Variants in MYH9 observed in about 807,000 individuals in gnomAD.
MYH9 encodes the protein myosin-9.
A neutral mutation model predicts 241.9 loss-of-function variants in MYH9; 29 were observed. That is an observed-to-expected ratio of 0.12 (90% CI 0.09 to 0.16). The LOEUF (loss-of-function observed/expected upper bound fraction) is 0.16. Ranked by LOEUF, MYH9 falls within the 10% of genes least tolerant of loss-of-function variation. The pLI is 1.00. For missense variants in MYH9, 1,803 were observed against 2,595.5 expected (o/e 0.69, Z 6.63); for synonymous variants, 1,047 against 1,062.6 (o/e 0.99, Z 0.29).
chr22:36,301,117 C>T, intron 21 of MYH9, 60 bp from the exon 22 acceptor site: 5 of 1,507,964 alleles, frequency 3.3e-6, no homozygotes, highest in Non-Finnish European at 4.6e-6. Flanking sequence ...ACTCCATCCT[C>T]AAGGACGGAC....
chr22:36,286,952 A>T, intron 34 of MYH9, 106 bp from the exon 35 acceptor site: 1 of 1,535,414 alleles, frequency 6.5e-7, no homozygotes, highest in Non-Finnish European at 8.9e-7. Context: ...GCTCCACTCA[A>T]TGCTGTATTT....
chr22:36,285,509 C>T lies in MYH9; in HGVS notation c.5274+149G>A, dbSNP rs1569534665. ...ACCCAACACAGAAGCCAGAGGGGGA[C>T]CTTTCAGGTCCAGGTGCCTGGACAT... On this transcript the variant is annotated intron_variant, in intron 37 of 40. Transcript: ENST00000216181. The surrounding 1 kb of genome is among the most constrained non-coding windows in gnomAD (Gnocchi z 7.0). The T allele has an allele frequency of 3.7e-6, 5 of 1,366,220 alleles. No homozygotes were observed. The highest frequency in any genetic ancestry group is 5.1e-6 in the Non-Finnish European group (5 of 988,602). The allele number at this position is 1,366,220 out of a possible 1,614,324, so 84.6% of individuals were successfully genotyped here. A position where few individuals can be genotyped will look rare whatever the true frequency, so the allele number is the denominator to read the frequency against.
rs896383563 is a variant in MYH9 at position 36,314,178 on chromosome 22, G to A, written c.1521C>T (p.Asp507=). The A allele has an allele frequency of 1.9e-6, 3 of 1,614,210 alleles. No homozygotes were observed. The highest frequency in any genetic ancestry group is 2.5e-6 in the Non-Finnish European group (3 of 1,180,038). The part of the protein sequence containing the change: ...IEWNFIDFGL[D]LQPCIDLIEK... ...CAATGAGGTCGATGCAGGGCTGCAG[G>A]TCGAGGCCAAAGTCGATGAAGTTCC... is the stretch of plus-strand genomic sequence containing the variant. Residue 507 remains aspartate, a synonymous_variant, in exon 13 of 41, where the codon GAC becomes GAT. Coordinates refer to ENST00000216181, the MANE Select transcript of MYH9 (RefSeq NM_002473.6).
At chr22:36,340,432 G>A (rs1000438003) in intron 3 of MYH9, among the ~76,000 whole-genome samples, 6 of 151,818 alleles carry the variant, frequency 4.0e-5, no homozygotes, top group African/African-American at 1.2e-4. Flanking sequence ...AGGCCGAGGT[G>A]GGTGGATCAC....
chr22:36,340,311 A>C (rs932700636), intron 3 of MYH9, among the ~76,000 whole-genome samples: 9 of 152,000 alleles, frequency 5.9e-5, no homozygotes, highest in African/African-American at 2.2e-4. Flanking sequence ...ATTTGATCAC[A>C]TTTACATCCC....
At chr22:36,355,868 A>G (rs1389588732) in intron 1 of MYH9, among the ~76,000 whole-genome samples, 1 of 152,166 alleles carries the variant, frequency 6.6e-6, no homozygotes. Flanking sequence ...TTAAGCAGAC[A>G]TTGATAATGC....
At chr22:36,370,723 G>C (rs2018076893) in intron 1 of MYH9, among the ~76,000 whole-genome samples, 1 of 152,226 alleles carries the variant, frequency 6.6e-6, no homozygotes, top group African/African-American at 2.4e-5. Flanking sequence ...GCAGAAGGCA[G>C]GGCAGCCTGG....
chr22:36,282,822 C>T (rs780381199), intron 40 of MYH9, 37 bp from the exon 41 acceptor site: 66 of 1,572,322 alleles, frequency 4.2e-5, no homozygotes, highest in Middle Eastern at 3.7e-4. Context: ...TCAGCGGGCC[C>T]GGCCAGGCCA....
intron 5 of MYH9, chr22:36,324,971 A>C (rs1246717593): frequency 1.4e-6 from 1 of 691,646 alleles, no homozygotes; most frequent in Non-Finnish European, 2.7e-6. Flanking sequence ...CCTGTCTTTC[A>C]GGACAGGAAC....
rs56327920 is a variant in MYH9 at position 36,285,117 on chromosome 22, G to T, written c.5483+4C>A. 6 of 1,613,568 alleles carry T rather than the reference G, an allele frequency of 3.7e-6. No individual in the cohort carries two copies. The highest frequency in any genetic ancestry group is 1.7e-5 in the Admixed American group (1 of 60,012). On this transcript the variant is annotated splice_donor_region_variant and intron_variant, in intron 38 of 40. Transcript: ENST00000216181. The surrounding 1 kb of genome is among the most constrained non-coding windows in gnomAD (Gnocchi z 7.0). ...TGGGGTTGGGCGGGGCCAGGGGCAC[G>T]TACTTGGTCTCGTTGTCCAGCTGCT...
In MYH9 at chr22:36,297,173, G is replaced by C. The variant is rs2016802337; in HGVS notation, c.3101-159C>G. On this transcript the variant is annotated intron_variant, in intron 24 of 40. Coordinates refer to ENST00000216181, the MANE Select transcript of MYH9 (RefSeq NM_002473.6). ...CGCACCCAACTCCTGGATGCAGGAA[G>C]AGGACATCACTGCAAACTGCTAGCC... The C allele has an allele frequency of 5.0e-6, 4 of 794,644 alleles. No individual in the cohort carries two copies. The Admixed American group carries it at 8.8e-5, about 17-fold the overall frequency. The allele number at this position is 794,644 out of a possible 1,614,324, so 49.2% of individuals were successfully genotyped here. A position where few individuals can be genotyped will look rare whatever the true frequency, so the allele number is the denominator to read the frequency against.
intron 1 of MYH9, among the ~76,000 whole-genome samples, chr22:36,385,508 C>G (rs929074669): frequency 2.0e-5 from 3 of 152,132 alleles, no homozygotes; most frequent in Non-Finnish European, 4.4e-5. Context: ...GATTAACATG[C>G]GTCCTTCATC....
At chr22:36,368,673 G>C (rs1452498599) in intron 1 of MYH9, among the ~76,000 whole-genome samples, 1 of 152,074 alleles carries the variant, frequency 6.6e-6, no homozygotes, top group Non-Finnish European at 1.5e-5. Context: ...CTGGGAGGTG[G>C]AGGAGTGTTA....
In MYH9 at chr22:36,292,215, T is replaced by C; in HGVS notation, c.4115A>G (p.Lys1372Arg). 6.2e-7 allele frequency: 1 copy of C among 1,614,016 alleles called. No individual in the cohort carries two copies. The highest frequency in any genetic ancestry group is 1.1e-5 in the South Asian group (1 of 91,088). The part of the protein sequence containing the change: ...LHAQVADMKK[K>R]MEDSVGCLET... The stretch of plus-strand genomic sequence containing the variant: ...CAGGCACCCCACACTGTCCTCCATC[T>C]TCTTTTTCATGTCGGCCACCTGGGC... The change falls in exon 31 of 41, where the codon AAG becomes AGG. Residue 1372 changes from lysine (K) to arginine (R), a missense_variant. By Grantham distance (26) the Lys-to-Arg change is conservative. Coordinates refer to ENST00000216181, the MANE Select transcript of MYH9 (RefSeq NM_002473.6).
chr22:36,346,246 A>G (rs530230198), intron 2 of MYH9, among the ~76,000 whole-genome samples: 1 of 152,284 alleles, frequency 6.6e-6, no homozygotes, highest in Admixed American at 6.5e-5. Context: ...TCATCCCCCA[A>G]AGGGTGGGCA....
intron 6 of MYH9, 66 bp from the exon 7 acceptor site, chr22:36,321,887 G>GT (rs2017258617): frequency 7.2e-7 from 1 of 1,385,166 alleles, no homozygotes; most frequent in African/African-American, 1.4e-5. Flanking sequence ...GAGCACGGGG[G>GT]AGACCACAGC....
intron 1 of MYH9, among the ~76,000 whole-genome samples, chr22:36,378,265 C>A (rs897170024): frequency 6.6e-6 from 1 of 151,966 alleles, no homozygotes; most frequent in African/African-American, 2.4e-5. Context: ...CAGAGCAAGA[C>A]GCTGTCTCAT....
At chr22:36,373,247 T>C (rs2018115765) in intron 1 of MYH9, among the ~76,000 whole-genome samples, 1 of 152,138 alleles carries the variant, frequency 6.6e-6, no homozygotes, top group African/African-American at 2.4e-5. Context: ...ATCCTCCCCC[T>C]GCCCCTGCCC....
In MYH9 at chr22:36,345,870, C is replaced by T. The variant is rs569935417; in HGVS notation, c.333+3034G>A. 1.9e-3 allele frequency among the ~76,000 whole-genome samples: 286 copies of T among 152,262 alleles called. 1 individual carries two copies. Among genetic ancestry groups the T allele is most frequent in the African/African-American group, 6.2e-3 (259 of 41,558 alleles). ...CCATGTTAGAAGGCTGGGCTGGGGC[C>T]GGGCGTGGTGGCTCACGCCTGTAAT... is the stretch of plus-strand genomic sequence containing the variant. On this transcript the variant is annotated intron_variant, in intron 2 of 40. Coordinates refer to ENST00000216181, the MANE Select transcript of MYH9 (RefSeq NM_002473.6).
Sources: allele counts gnomAD v4.1 joint callset (sites outside exome capture counted in the v4.1 genomes callset), GRCh38; gene constraint gnomAD v4.1.1; non-coding constraint Gnocchi (gnomAD v3.1); transcripts MANE v1.5; gene names NCBI Gene and HGNC (gene_info 2026-07-23, HGNC 2026-07-21).